Variants in PBX3 observed in about 807,000 individuals in gnomAD.
The protein encoded by PBX3 is PBX homeobox 3.
In PBX3, 14 loss-of-function variants were observed where a neutral mutation model predicts 48.5. The observed-to-expected ratio is 0.29, with a 90% CI of 0.19 to 0.45. PBX3 has a LOEUF of 0.45. Among genes scored for constraint, PBX3 ranks in the 20% least tolerant of loss-of-function variants. The pLI, the probability that PBX3 is intolerant of heterozygous loss-of-function variation, is 1.00. For missense variants in PBX3, 386 were observed against 546.7 expected (o/e 0.71, Z 2.93); for synonymous variants, 210 against 200.3 (o/e 1.05, Z -0.41).
intron 2 of PBX3, among the ~76,000 whole-genome samples, chr9:125,863,769 A>G (rs1050485713): frequency 7.9e-5 from 12 of 151,978 alleles, no homozygotes; most frequent in Admixed American, 5.9e-4. Context: ...ATCTCACACA[A>G]TTTTCCCTGT....
intron 2 of PBX3, among the ~76,000 whole-genome samples, chr9:125,812,046 G>T (rs555161645): frequency 6.6e-6 from 1 of 152,146 alleles, no homozygotes; most frequent in Non-Finnish European, 1.5e-5. Context: ...TTGTGAACAC[G>T]CAGCAAGAAG....
At chr9:125,885,328 G>T (rs2132363519) in intron 2 of PBX3, among the ~76,000 whole-genome samples, 1 of 152,110 alleles carries the variant, frequency 6.6e-6, no homozygotes, top group South Asian at 2.1e-4. Context: ...GGCTATTTAG[G>T]TTATTAAATG....
intron 2 of PBX3, among the ~76,000 whole-genome samples, chr9:125,770,331 C>T (rs1207358694): frequency 1.3e-5 from 2 of 152,074 alleles, no homozygotes; most frequent in African/African-American, 2.4e-5. Context: ...CACATAAATA[C>T]ATAATGTTGA....
intron 2 of PBX3, among the ~76,000 whole-genome samples, chr9:125,760,531 C>G (rs1389237487): frequency 6.6e-6 from 1 of 151,846 alleles, no homozygotes; most frequent in Non-Finnish European, 1.5e-5. Flanking sequence ...TATTGTATAC[C>G]ACTATTAGAA....
In PBX3 at chr9:125,953,453, C is replaced by T. The variant is rs1000173131; in HGVS notation, c.844-7231C>T. Among the ~76,000 whole-genome samples, 7 of 145,836 alleles carry T rather than the reference C, an allele frequency of 4.8e-5. 1 individual carries two copies. The highest frequency in any genetic ancestry group is 4.5e-4 in the South Asian group (2 of 4,418). Reference sequence around the variant, plus strand: ...GATTGTGCCACTGCACTTCAGCCTGCGCAACAGAGCGAGACCCTGTCTCAA... The same window carrying T: ...GATTGTGCCACTGCACTTCAGCCTGTGCAACAGAGCGAGACCCTGTCTCAA... On this transcript the variant is annotated intron_variant, in intron 5 of 8. Coordinates refer to ENST00000373489, the MANE Select transcript of PBX3 (RefSeq NM_006195.6).
intron 2 of PBX3, among the ~76,000 whole-genome samples, chr9:125,828,482 A>G (rs548654275): frequency 1.1e-4 from 17 of 152,210 alleles, no homozygotes; most frequent in Non-Finnish European, 2.4e-4. Context: ...TCTGTATTCT[A>G]AGCCAATTAG....
chr9:125,837,484 G>A (rs1301357200), intron 2 of PBX3, among the ~76,000 whole-genome samples: 1 of 151,318 alleles, frequency 6.6e-6, no homozygotes, highest in Non-Finnish European at 1.5e-5. Flanking sequence ...GGTGTTTGGG[G>A]TCAAGAATAG....
chr9:125,961,311 C>CT (rs1842425986), intron 6 of PBX3, among the ~76,000 whole-genome samples: 2 of 152,242 alleles, frequency 1.3e-5, no homozygotes, highest in Admixed American at 1.3e-4. Context: ...TTCAGCAGCA[C>CT]TGTCTGAGCG....
At chr9:125,918,856 T>C (rs1231069077) in intron 3 of PBX3, among the ~76,000 whole-genome samples, 1 of 152,196 alleles carries the variant, frequency 6.6e-6, no homozygotes, top group African/African-American at 2.4e-5. Flanking sequence ...TTCAGTTCTT[T>C]AGGGTACAAG....
intron 2 of PBX3, among the ~76,000 whole-genome samples, chr9:125,796,771 A>G (rs77199425): frequency 0.02 from 3,057 of 152,198 alleles, 173 homozygotes; most frequent in East Asian, 0.17. Context: ...GCAGTTGTAT[A>G]GAGTCACTTT....
intron 2 of PBX3, among the ~76,000 whole-genome samples, chr9:125,771,549 C>A (rs1836941048): frequency 6.6e-6 from 1 of 152,028 alleles, no homozygotes; most frequent in South Asian, 2.1e-4. Flanking sequence ...AATAGAGGAA[C>A]AAGAAGTAAG....
chr9:125,936,957 C>T (rs764899446), intron 5 of PBX3, among the ~76,000 whole-genome samples: 2 of 152,134 alleles, frequency 1.3e-5, no homozygotes, highest in Non-Finnish European at 2.9e-5. Flanking sequence ...GATTTTATGA[C>T]GAATGCCTTT....
chr9:125,837,013 G>C (rs1459135037), intron 2 of PBX3, among the ~76,000 whole-genome samples: 1 of 152,178 alleles, frequency 6.6e-6, no homozygotes, highest in Non-Finnish European at 1.5e-5. Flanking sequence ...CTTTGTCCTA[G>C]CAATTGCAAT....
intron 2 of PBX3, among the ~76,000 whole-genome samples, chr9:125,818,763 G>T (rs780793979): frequency 1.3e-5 from 2 of 152,090 alleles, no homozygotes; most frequent in African/African-American, 2.4e-5. Flanking sequence ...AAAGTGTTAG[G>T]ATTACAGGCG....
chr9:125,771,120 TTG>T (rs1327886211), intron 2 of PBX3, among the ~76,000 whole-genome samples: 3 of 152,168 alleles, frequency 2.0e-5, no homozygotes, highest in African/African-American at 4.8e-5. Context: ...AGATTTAGGA[TTG>T]TGTGTGATTT....
At chr9:125,819,869 G>C (rs1359360954) in intron 2 of PBX3, among the ~76,000 whole-genome samples, 2 of 152,126 alleles carry the variant, frequency 1.3e-5, no homozygotes, top group East Asian at 3.9e-4. Flanking sequence ...GAGCTTTTTT[G>C]TGAATATTAT....
At chr9:125,911,988 A>AT (rs113611267) in intron 2 of PBX3, among the ~76,000 whole-genome samples, 8 of 152,292 alleles carry the variant, frequency 5.3e-5, no homozygotes, top group African/African-American at 1.9e-4. Flanking sequence ...GTCTGAAGCC[A>AT]TACTCTTCAG....
At chr9:125,918,583 C>T (rs887557751) in intron 3 of PBX3, among the ~76,000 whole-genome samples, 5 of 151,956 alleles carry the variant, frequency 3.3e-5, no homozygotes, top group Non-Finnish European at 7.4e-5. Flanking sequence ...CATTTTAATA[C>T]TTTCAGATGG....
At chr9:125,858,410 A>G (rs1484832598) in intron 2 of PBX3, among the ~76,000 whole-genome samples, 1 of 152,230 alleles carries the variant, frequency 6.6e-6, no homozygotes, top group African/African-American at 2.4e-5. Flanking sequence ...TACATATGAT[A>G]GCATAATGCT....
Sources: allele counts gnomAD v4.1 joint callset (sites outside exome capture counted in the v4.1 genomes callset), GRCh38; gene constraint gnomAD v4.1.1; transcripts MANE v1.5; gene names NCBI Gene and HGNC (gene_info 2026-07-23, HGNC 2026-07-21).